ZNF189: variants seen among roughly 807,000 people sequenced by gnomAD.
ZNF189 encodes the protein zinc finger protein 189.
ZNF189 carries 33 observed loss-of-function variants against 53.5 expected under a neutral mutation model. The observed-to-expected ratio is 0.62, with a 90% confidence interval of 0.47 to 0.82. ZNF189 has a LOEUF of 0.82. Among genes scored for constraint, ZNF189 ranks in the 40% least tolerant of loss-of-function variants. The probability of loss-of-function intolerance (pLI) is 0.00; values close to 1 mark genes in which losing one functional copy is unlikely to be tolerated. For synonymous variants in ZNF189, 247 were observed against 238.8 expected (o/e 1.03, Z -0.32); for missense variants, 711 against 753.9 (o/e 0.94, Z 0.67).
Position 101,399,503 on chromosome 9 carries a change from G to A in ZNF189, c.33+314G>A, listed in dbSNP as rs189393380. On this transcript the variant is annotated intron_variant, in intron 1 of 2. Transcript: ENST00000339664. ...TTTTTGACCTTCCCTTGTGTCTTCT[G>A]TTCCTGGCACAGTGCCTGGACCCCA... The A allele has an allele frequency of 2.4e-4, 305 of 1,289,210 alleles. 1 individual carries two copies. Among genetic ancestry groups the A allele is most frequent in the Admixed American group, 3.2e-4 (8 of 25,130 alleles). The allele number at this position is 1,289,210 out of a possible 1,614,324, so 79.9% of individuals were successfully genotyped here.
At chr9:101,405,584 GATGTAA>G (rs1830677185) in intron 2 of ZNF189, among the ~76,000 whole-genome samples, 1 of 152,088 alleles carries the variant, frequency 6.6e-6, no homozygotes, top group Non-Finnish European at 1.5e-5. Context: ...AACAAGTAAG[GATGTAA>G]ATGTGGGTAA....
rs150863386 is a variant in ZNF189 at position 101,407,959 on chromosome 9, C to G, written c.191C>G (p.Pro64Arg). 30 of 1,590,624 alleles carry G rather than the reference C, an allele frequency of 1.9e-5. No individual in the cohort carries two copies. The African/African-American group carries it at 3.7e-4, about 19-fold the overall frequency. The change falls in exon 3 of 3, where the codon CCA becomes CGA. Residue 64 changes from proline to arginine, a missense_variant. Transcript: ENST00000339664. ...DVLNRDKDEE[P>R]TVKQEIEEIE... ...TTGAACAGAGATAAGGATGAGGAGC[C>G]AACTGTAAAACAAGAGATTGAAGAA...
chr9:101,404,619 A>G (rs985585611), intron 2 of ZNF189, among the ~76,000 whole-genome samples: 14 of 152,180 alleles, frequency 9.2e-5, no homozygotes, highest in African/African-American at 3.4e-4. Context: ...TGTACTAAGA[A>G]CAAGCTTTTT....
At chr9:101,407,199 C>A (rs1830747150) in intron 2 of ZNF189, among the ~76,000 whole-genome samples, 2 of 151,968 alleles carry the variant, frequency 1.3e-5, no homozygotes, top group South Asian at 2.1e-4. Flanking sequence ...ATATTATTTT[C>A]TTTCCCCATT....
In ZNF189 at chr9:101,408,024, A is replaced by G; in HGVS notation, c.256A>G (p.Arg86Gly). The part of the protein sequence containing the change: ...EVEPQGVIVT[R>G]IKSEIDQDPM... The stretch of plus-strand genomic sequence containing the variant: ...GGAACCACAGGGTGTAATAGTTACA[A>G]GAATCAAAAGTGAAATTGACCAGGA... Residue 86 changes from arginine (R) to glycine (G), a missense_variant, in exon 3 of 3, where the codon AGA becomes GGA. Coordinates refer to ENST00000339664, the MANE Select transcript of ZNF189 (RefSeq NM_003452.4). The G allele has an allele frequency of 6.2e-7, 1 of 1,613,772 alleles. No individual in the cohort carries two copies. Among genetic ancestry groups the G allele is most frequent in the Middle Eastern group, 1.7e-4 (1 of 6,060 alleles).
chr9:101,406,001 G>A (rs1303169766), intron 2 of ZNF189, among the ~76,000 whole-genome samples: 1 of 150,244 alleles, frequency 6.7e-6, no homozygotes, highest in East Asian at 2.0e-4. Flanking sequence ...CGAGGTGGAG[G>A]TTGTAGTGAG....
At position 101,399,151 on chromosome 9, in the gene ZNF189, T is replaced by C. The variant is rs778521605; in HGVS notation, c.-6T>C. The C allele has an allele frequency of 3.1e-6, 5 of 1,593,026 alleles. No homozygotes were observed. The highest frequency in any genetic ancestry group is 1.1e-5 in the South Asian group (1 of 90,356). On this transcript the variant is annotated 5_prime_UTR_variant, in exon 1 of 3. Coordinates refer to ENST00000339664, the MANE Select transcript of ZNF189 (RefSeq NM_003452.4). ...CCAATTCCTGCCCCTATTCTCTGCC[T>C]GGGAGATGGCTTCCCCGAGCCCCCC... is the stretch of plus-strand genomic sequence containing the variant.
Position 101,409,700 on chromosome 9 carries a change from C to T in ZNF189, c.*51C>T. ...TTGATTTGAGACTAGTACCCAAGTG[C>T]AGTTTTAGTATGGCTCAACATGGGT... On this transcript the variant is annotated 3_prime_UTR_variant, in exon 3 of 3. Coordinates refer to ENST00000339664, the MANE Select transcript of ZNF189 (RefSeq NM_003452.4). The T allele has an allele frequency of 6.5e-7, 1 of 1,537,314 alleles. No homozygotes were observed. Among genetic ancestry groups the T allele is most frequent in the South Asian group, 1.3e-5 (1 of 77,932 alleles).
chr9:101,408,654 A>T lies in ZNF189; in HGVS notation c.886A>T (p.Ser296Cys). 1 of 1,614,092 alleles carries T rather than the reference A, an allele frequency of 6.2e-7. No homozygotes were observed. The highest frequency in any genetic ancestry group is 8.5e-7 in the Non-Finnish European group (1 of 1,180,026). The change falls in exon 3 of 3, where the codon AGC becomes TGC. Residue 296 changes from serine to cysteine, a missense_variant. Ser to Cys is a moderately radical substitution (Grantham distance 112). Coordinates refer to ENST00000339664, the MANE Select transcript of ZNF189 (RefSeq NM_003452.4). ...KPYHCTKCKK[S>C]FSRNSLLVEH... is the part of the protein sequence containing the mutation. ...TTATCACTGTACCAAATGTAAGAAG[A>T]GCTTTAGTCGAAATTCATTGCTTGT...
intron 1 of ZNF189, chr9:101,399,440 T>C (rs1588152809): frequency 1.5e-6 from 2 of 1,340,412 alleles, no homozygotes; most frequent in East Asian, 3.3e-5. Context: ...TGCTCCAGAC[T>C]AGCTCTCTCA....
chr9:101,407,871 G>T, intron 2 of ZNF189, 58 bp from the exon 3 acceptor site: 2 of 1,437,032 alleles, frequency 1.4e-6, no homozygotes, highest in Admixed American at 3.0e-5. Context: ...ATCTTACTTT[G>T]TTTCTCCTTG....
rs145211802 is a variant in ZNF189 at position 101,409,599 on chromosome 9, C to T, written c.1831C>T (p.Arg611Cys). ...CDACGEAFNC[R>C]ISLIQHQKLH... ...CGCTTGTGGTGAAGCCTTTAATTGC[C>T]GTATTTCTCTTATTCAGCATCAGAA... Residue 611 changes from arginine to cysteine, a missense_variant, in exon 3 of 3, where the codon CGT becomes TGT. Physicochemically the swap from Arg to Cys is radical, Grantham distance 180 (BLOSUM62 -3). Coordinates refer to ENST00000339664, the MANE Select transcript of ZNF189 (RefSeq NM_003452.4). 5.0e-4 allele frequency: 807 copies of T among 1,612,858 alleles called. 2 individuals are homozygous for T. The highest frequency in any genetic ancestry group is 1.4e-4 in the Non-Finnish European group (171 of 1,179,720).
In ZNF189 at chr9:101,406,014, A is replaced by C. The variant is rs773440209; in HGVS notation, c.161-1915A>C. Among the ~76,000 whole-genome samples, 166 of 151,892 alleles carry C rather than the reference A, an allele frequency of 1.1e-3. 4 individuals carry two copies. The Middle Eastern group carries it at 0.014, about 12-fold the overall frequency. On this transcript the variant is annotated intron_variant, in intron 2 of 2. Transcript: ENST00000339664. ...CGCGAGGTGGAGGTTGTAGTGAGCC[A>C]AGATCACTCCAGCCTGGGCAATAAG... is the stretch of plus-strand genomic sequence containing the variant.
intron 1 of ZNF189, chr9:101,399,569 G>A (rs1830453857): frequency 7.8e-7 from 1 of 1,286,514 alleles, no homozygotes; most frequent in South Asian, 1.8e-5. Context: ...GAATTGAATA[G>A]AGTCACAAGC....
rs1325430593 is a variant in ZNF189, at chr9:101,410,611, TATTA to T, written c.*966_*969del. ...CCTTAGTTAATGGTTATTATAAACC[TATTA>T]ATTCATCTGTTTTAACCATTAAAAC... On this transcript the variant is annotated 3_prime_UTR_variant, in exon 3 of 3. Transcript: ENST00000339664. 3 of 152,244 alleles carry T rather than the reference TATTA, an allele frequency of 2.0e-5. No homozygotes were observed. The highest frequency in any genetic ancestry group is 6.5e-5 in the Admixed American group (1 of 15,286). 9.4% of individuals were successfully genotyped at this position (152,244 alleles called of 1,614,324 possible).
At position 101,409,492 on chromosome 9, in the gene ZNF189, A is replaced by C. The variant is rs951309327; in HGVS notation, c.1724A>C (p.Lys575Thr). ...EKPYKCEKCD[K>T]SFSQQRSLVN... ...CCTTATAAGTGTGAGAAGTGCGACAAAAGTTTCAGTCAACAGCGCAGTCTT... is the reference window on the plus strand; with the variant it reads ...CCTTATAAGTGTGAGAAGTGCGACACAAGTTTCAGTCAACAGCGCAGTCTT... The change falls in exon 3 of 3, where the codon AAA becomes ACA. Residue 575 changes from lysine (K) to threonine (T), a missense_variant. By Grantham distance (78) the Lys-to-Thr change is moderately conservative. Transcript: ENST00000339664. 1 of 1,614,014 alleles carries C rather than the reference A, an allele frequency of 6.2e-7. No individual in the cohort carries two copies. Among genetic ancestry groups the C allele is most frequent in the African/African-American group, 1.3e-5 (1 of 74,938 alleles).
chr9:101,402,524 A>G (rs1830574460), intron 2 of ZNF189, among the ~76,000 whole-genome samples: 2 of 152,330 alleles, frequency 1.3e-5, no homozygotes, highest in South Asian at 4.1e-4. Context: ...TTTGAAGACC[A>G]CATGAGTAAT....
Position 101,407,957 on chromosome 9 carries a change from G to A in ZNF189, c.189G>A (p.Glu63=), listed in dbSNP as rs775485572. The part of the protein sequence containing the change: ...LDVLNRDKDE[E]PTVKQEIEEI... The stretch of plus-strand genomic sequence containing the variant: ...TTTTGAACAGAGATAAGGATGAGGA[G>A]CCAACTGTAAAACAAGAGATTGAAG... The change falls in exon 3 of 3, where the codon GAG becomes GAA. Residue 63 remains glutamate, a synonymous_variant. Transcript: ENST00000339664. The A allele has an allele frequency of 3.8e-6, 6 of 1,589,682 alleles. No homozygotes were observed. The highest frequency in any genetic ancestry group is 3.6e-5 in the Admixed American group (2 of 55,516).
At position 101,410,501 on chromosome 9, in the gene ZNF189, T is replaced by G. The variant is rs1830902741; in HGVS notation, c.*852T>G. ...AGACCTGGAGTCTATGCTAGGAAGC[T>G]GAGATATTTTGGTATTGCATTGGTT... On this transcript the variant is annotated 3_prime_UTR_variant, in exon 3 of 3. Coordinates refer to ENST00000339664, the MANE Select transcript of ZNF189 (RefSeq NM_003452.4). 2 of 152,258 alleles carry G rather than the reference T, an allele frequency of 1.3e-5. No individual in the cohort carries two copies. The highest frequency in any genetic ancestry group is 4.1e-4 in the South Asian group (2 of 4,834). 9.4% of individuals were successfully genotyped at this position (152,258 alleles called of 1,614,324 possible). A position where few individuals can be genotyped will look rare whatever the true frequency, so the allele number is the denominator to read the frequency against.
Sources: gnomAD v4.1 joint callset for allele counts (sites outside exome capture counted in the v4.1 genomes callset) on GRCh38, gnomAD v4.1.1 for gene constraint, MANE v1.5 for transcripts, NCBI Gene and HGNC (gene_info 2026-07-23, HGNC 2026-07-21) for gene names.